Variants in SYNPR observed in about 807,000 individuals in gnomAD.
SYNPR encodes the protein synaptoporin.
SYNPR carries 23 observed loss-of-function variants against 32.9 expected under a neutral mutation model. The ratio of observed to expected loss-of-function variants is 0.70; its 90% CI spans 0.50 to 0.99. The LOEUF is 0.99. SYNPR is among the 50% of genes least tolerant of loss of function. The pLI is 0.00. For synonymous variants in SYNPR, 146 were observed against 135.9 expected, an observed-to-expected ratio of 1.07 and a Z score of -0.52; for missense variants, 318 against 349.3, an observed-to-expected ratio of 0.91 and a Z score of 0.71.
intron 2 of SYNPR, among the ~76,000 whole-genome samples, chr3:63,381,187 G>A (rs534826741): frequency 6.6e-6 from 1 of 152,148 alleles, no homozygotes; most frequent in Non-Finnish European, 1.5e-5. Context: ...CTTAAGCTGA[G>A]AAGCAACTTC....
intron 4 of SYNPR, among the ~76,000 whole-genome samples, chr3:63,559,892 G>A (rs1238339554): frequency 6.6e-6 from 1 of 152,046 alleles, no homozygotes; most frequent in Non-Finnish European, 1.5e-5. Context: ...CATGCTCACA[G>A]GACTTTTAAG....
intron 4 of SYNPR, among the ~76,000 whole-genome samples, chr3:63,602,667 A>G (rs116411711): frequency 1.6e-3 from 239 of 151,980 alleles, no homozygotes; most frequent in African/African-American, 5.6e-3. Context: ...GGTGTGTGAA[A>G]TTATTTCTAG....
At chr3:63,387,943 T>C (rs2088076475) in intron 2 of SYNPR, among the ~76,000 whole-genome samples, 2 of 151,966 alleles carry the variant, frequency 1.3e-5, no homozygotes, top group South Asian at 4.2e-4. Flanking sequence ...GATCATTGGA[T>C]CAACACCTGG....
intron 2 of SYNPR, among the ~76,000 whole-genome samples, chr3:63,456,946 A>G (rs1376478): frequency 0.65 from 99,268 of 151,928 alleles, 32,832 homozygotes; most frequent in African/African-American, 0.75. Flanking sequence ...TTTATTTTCT[A>G]TCAGAGTTGG....
At chr3:63,320,648 T>G (rs1016470512) in intron 2 of SYNPR, among the ~76,000 whole-genome samples, 6 of 152,030 alleles carry the variant, frequency 3.9e-5, no homozygotes, top group Admixed American at 1.3e-4. Flanking sequence ...TAATGAATGA[T>G]TGTGTGAATG....
chr3:63,439,686 A>G (rs1700135447), intron 2 of SYNPR, among the ~76,000 whole-genome samples: 1 of 152,220 alleles, frequency 6.6e-6, no homozygotes, highest in African/African-American at 2.4e-5. Context: ...TTAAATCAAT[A>G]TGACACTGAA....
rs574349988 is a variant in SYNPR, at chr3:63,283,969, TG to T, written c.84+5229del. Reference sequence around the variant, plus strand: ...GACTACAGGCGCCTGCCACCACGCCTGGCTAATTTTTTGTATTTTTAGTAGA... The same window carrying T: ...GACTACAGGCGCCTGCCACCACGCCTGCTAATTTTTTGTATTTTTAGTAGA... On this transcript the variant is annotated intron_variant, in intron 2 of 5. Coordinates refer to ENST00000478300, the MANE Select transcript of SYNPR (RefSeq NM_001130003.2). Among the ~76,000 whole-genome samples the T allele has an allele frequency of 2.0e-3, 310 of 152,024 alleles. 2 individuals carry two copies. Among genetic ancestry groups the T allele is most frequent in the Middle Eastern group, 0.01 (3 of 292 alleles).
intron 3 of SYNPR, among the ~76,000 whole-genome samples, chr3:63,512,070 C>T (rs1559521834): frequency 6.6e-6 from 1 of 152,046 alleles, no homozygotes; most frequent in African/African-American, 2.4e-5. Context: ...AATTAGGACT[C>T]TTTGAATTGT....
rs542755087 is a variant in SYNPR, at chr3:63,285,436, A to G, written c.84+6694A>G. Among the ~76,000 whole-genome samples, 354 of 152,356 alleles carry G rather than the reference A, an allele frequency of 2.3e-3. 2 individuals are homozygous for G. Among genetic ancestry groups the G allele is most frequent in the South Asian group, 6.4e-3 (31 of 4,824 alleles). ...CTTCCTGTGTATAAACAAGACGGGG[A>G]ATTCTTACAGAAAATTTATTTAAAT... On this transcript the variant is annotated intron_variant, in intron 2 of 5. Transcript: ENST00000478300.
intron 2 of SYNPR, among the ~76,000 whole-genome samples, chr3:63,449,760 T>C (rs1412573689): frequency 2.0e-5 from 3 of 152,240 alleles, no homozygotes; most frequent in Non-Finnish European, 4.4e-5. Context: ...TAAGTCCTTT[T>C]ACTATTACTA....
intron 2 of SYNPR, among the ~76,000 whole-genome samples, chr3:63,445,171 C>A (rs1700252062): frequency 2.0e-5 from 3 of 152,066 alleles, no homozygotes. Flanking sequence ...TTGCTATAGA[C>A]AGAGCTTATC....
chr3:63,226,162 C>T (rs909758545), upstream of SYNPR, among the ~76,000 whole-genome samples: 1 of 151,866 alleles, frequency 6.6e-6, no homozygotes, highest in Non-Finnish European at 1.5e-5. Flanking sequence ...TCAATCTAAC[C>T]CCAGTTAGAA....
At chr3:63,228,479 T>G (rs2086145526) in intron 1 of SYNPR, 1 of 152,200 alleles carries the variant, frequency 6.6e-6, no homozygotes, top group Non-Finnish European at 1.5e-5. Context: ...TTGAGTTTGC[T>G]TCTGAATCTG....
chr3:63,461,033 T>C (rs1575656466), intron 2 of SYNPR, among the ~76,000 whole-genome samples: 1 of 151,870 alleles, frequency 6.6e-6, no homozygotes, highest in Non-Finnish European at 1.5e-5. Context: ...GCAGGATGAC[T>C]CTCAGGTTTG....
In SYNPR at chr3:63,556,620, C is replaced by T. The variant is rs1047982225; in HGVS notation, c.287C>T (p.Ser96Leu). 2 of 1,613,812 alleles carry T rather than the reference C, an allele frequency of 1.2e-6. No individual in the cohort carries two copies. Among genetic ancestry groups the T allele is most frequent in the South Asian group, 1.1e-5 (1 of 91,060 alleles). ...RQKLALIGDS[S>L]SSAEFFVTVA... ...AAGCTGGCATTGATTGGTGACTCCT[C>T]GTCTTCAGCAGAGTTCTTCGTCACT... Residue 96 changes from serine to leucine, a missense_variant, in exon 4 of 6, where the codon TCG becomes TTG. Coordinates refer to ENST00000478300, the MANE Select transcript of SYNPR (RefSeq NM_001130003.2).
chr3:63,329,761 G>A (rs2087205568), intron 2 of SYNPR, among the ~76,000 whole-genome samples: 1 of 152,130 alleles, frequency 6.6e-6, no homozygotes, highest in South Asian at 2.1e-4. Context: ...AGTAAAGCTA[G>A]AATAGAGACT....
chr3:63,457,060 T>C (rs887125088), intron 2 of SYNPR, among the ~76,000 whole-genome samples: 1 of 152,068 alleles, frequency 6.6e-6, no homozygotes, highest in Admixed American at 6.6e-5. Flanking sequence ...AGTCATAAGC[T>C]TTGCCTGTTT....
intron 2 of SYNPR, among the ~76,000 whole-genome samples, chr3:63,408,266 A>G (rs1250571107): frequency 4.1e-5 from 5 of 123,426 alleles, no homozygotes; most frequent in Non-Finnish European, 5.0e-5. Context: ...AGAAAGAAAG[A>G]AAGAAAGAAA....
In SYNPR at chr3:63,543,800, C is replaced by T. The variant is rs1301400980; in HGVS notation, c.210-12743C>T. On this transcript the variant is annotated intron_variant, in intron 3 of 5. Transcript: ENST00000478300. ...CTCGTCCCCTACCCTTCCTCAATGCCCTAGACACTGTACTTGACTAATTGC... is the reference window on the plus strand; with the variant it reads ...CTCGTCCCCTACCCTTCCTCAATGCTCTAGACACTGTACTTGACTAATTGC... Among the ~76,000 whole-genome samples, 5 of 152,022 alleles carry T rather than the reference C, an allele frequency of 3.3e-5. No homozygotes were observed. In the East Asian group the frequency reaches 9.7e-4, roughly 29 times the overall value.
Sources: gnomAD v4.1 joint callset for allele counts (sites outside exome capture counted in the v4.1 genomes callset) on GRCh38, gnomAD v4.1.1 for gene constraint, MANE v1.5 for transcripts, NCBI Gene and HGNC (gene_info 2026-07-23, HGNC 2026-07-21) for gene names.